The following NAALADL2 variants were observed in gnomAD, a reference collection of about 807,000 sequenced individuals.
NAALADL2 encodes the protein N-acetylated alpha-linked acidic dipeptidase like 2, also known as inactive N-acetylated-alpha-linked acidic dipeptidase-like protein 2.
NAALADL2 carries 76 observed loss-of-function variants against 87.2 expected under a neutral mutation model. The observed-to-expected ratio is 0.87, with a 90% CI of 0.72 to 1.05. The LOEUF (loss-of-function observed/expected upper bound fraction) is 1.05. Ranked by LOEUF, NAALADL2 falls within the 50% of genes least tolerant of loss-of-function variation. NAALADL2 has a pLI of 0.00. For missense variants in NAALADL2, 1,089 were observed against 945.8 expected (o/e 1.15, Z -1.99); for synonymous variants, 354 against 331.0 (o/e 1.07, Z -0.75).
chr3:175,687,044 G>A (rs1736393426), intron 11 of NAALADL2, among the ~76,000 whole-genome samples: 1 of 152,130 alleles, frequency 6.6e-6, no homozygotes, highest in African/African-American at 2.4e-5. Flanking sequence ...GGCAGAGCCA[G>A]AATTTCTATC....
chr3:174,503,108 T>A (rs988468213), intron 1 of NAALADL2, among the ~76,000 whole-genome samples: 1 of 152,170 alleles, frequency 6.6e-6, no homozygotes, highest in African/African-American at 2.4e-5. Flanking sequence ...GTATTCAATT[T>A]GGAAACAAGG....
Position 175,576,048 on chromosome 3 carries a change from A to G in NAALADL2, c.1661A>G (p.Asn554Ser), listed in dbSNP as rs911062165. ...SLQQLVVEKNNFNCTRRAQCP... is the reference protein window; with the variant it reads ...SLQQLVVEKNSFNCTRRAQCP... The stretch of plus-strand genomic sequence containing the variant: ...TTAAATTATGTTTTTCAGAAAAATA[A>G]TTTCAACTGTACCAGAAGAGCCCAG... Residue 554 changes from asparagine to serine, a missense_variant, in exon 10 of 14, where the codon AAT becomes AGT. Coordinates refer to ENST00000454872, the MANE Select transcript of NAALADL2 (RefSeq NM_207015.3). The G allele has an allele frequency of 6.2e-7, 1 of 1,608,420 alleles. No individual in the cohort carries two copies. The highest frequency in any genetic ancestry group is 1.3e-5 in the African/African-American group (1 of 74,536).
chr3:175,517,287 T>C (rs953616770), intron 9 of NAALADL2, among the ~76,000 whole-genome samples: 4 of 152,200 alleles, frequency 2.6e-5, no homozygotes, highest in African/African-American at 7.2e-5. Flanking sequence ...GAGGTCCAAC[T>C]ATGATTTTAA....
intron 10 of NAALADL2, among the ~76,000 whole-genome samples, chr3:175,613,041 T>A (rs76650260): frequency 0.012 from 1,878 of 151,398 alleles, 45 homozygotes; most frequent in East Asian, 0.058. Context: ...GCTCTGAGAC[T>A]TTGGCGTGTC....
intron 2 of NAALADL2, among the ~76,000 whole-genome samples, chr3:175,137,821 G>A (rs771345134): frequency 1.3e-5 from 2 of 151,398 alleles, no homozygotes; most frequent in Middle Eastern, 3.2e-3. Context: ...ATGGGGTTTC[G>A]CTAGGTTACC....
In NAALADL2 at chr3:175,543,439, CATACTGCT is replaced by C. The variant is rs1237723677; in HGVS notation, c.1654-32599_1654-32592del. On this transcript the variant is annotated intron_variant, in intron 9 of 13. Coordinates refer to ENST00000454872, the MANE Select transcript of NAALADL2 (RefSeq NM_207015.3). ...TGTACCAGGTGTATTAGTCCATTTT[CATACTGCT>C]ATGAAGAAATACCCAAGACTGGATA... Among the ~76,000 whole-genome samples the C allele has an allele frequency of 2.0e-5, 3 of 152,044 alleles. No homozygotes were observed. The East Asian group carries it at 5.8e-4, about 29-fold the overall frequency.
chr3:174,608,843 A>G (rs1719433831), intron 2 of NAALADL2, among the ~76,000 whole-genome samples: 1 of 151,650 alleles, frequency 6.6e-6, no homozygotes, highest in Non-Finnish European at 1.5e-5. Context: ...TACCAAAGCC[A>G]GGCAGAGACA....
chr3:175,239,237 A>G (rs1354958577), intron 3 of NAALADL2, among the ~76,000 whole-genome samples: 2 of 152,220 alleles, frequency 1.3e-5, no homozygotes, highest in Non-Finnish European at 2.9e-5. Context: ...CAAAATACAT[A>G]TTAAAATGGA....
intron 2 of NAALADL2, among the ~76,000 whole-genome samples, chr3:174,733,462 TG>T (rs1560180464): frequency 6.6e-6 from 1 of 152,260 alleles, no homozygotes; most frequent in Non-Finnish European, 1.5e-5. Context: ...ATCACATGCA[TG>T]GATGCAGATG....
intron 2 of NAALADL2, among the ~76,000 whole-genome samples, chr3:175,104,749 T>G (rs1263059786): frequency 3.9e-5 from 6 of 152,176 alleles, no homozygotes; most frequent in Non-Finnish European, 8.8e-5. Context: ...AATAGAGTGA[T>G]GGCTCCTAAA....
chr3:174,581,743 ATGACTAGTTCTGGCCAG>A (rs1462021642), intron 2 of NAALADL2, among the ~76,000 whole-genome samples: 2 of 152,266 alleles, frequency 1.3e-5, no homozygotes, highest in South Asian at 2.1e-4. Flanking sequence ...AGGTAGTCAC[ATGACTAGTTCTGGCCAG>A]TGAGTCGTGC....
chr3:174,844,992 G>T (rs1189098323), intron 3 of NAALADL2, among the ~76,000 whole-genome samples: 7 of 151,906 alleles, frequency 4.6e-5, no homozygotes, highest in Admixed American at 2.0e-4. Context: ...AGGGGGAGTG[G>T]GGCTGCCTCC....
At chr3:175,729,090 GCTTT>G (rs1239808804) in intron 11 of NAALADL2, among the ~76,000 whole-genome samples, 1 of 151,918 alleles carries the variant, frequency 6.6e-6, no homozygotes, top group East Asian at 1.9e-4. Flanking sequence ...AGAAAATGGT[GCTTT>G]CTAAGAAATA....
At chr3:175,305,032 A>C (rs1003118682) in intron 4 of NAALADL2, among the ~76,000 whole-genome samples, 3 of 152,066 alleles carry the variant, frequency 2.0e-5, no homozygotes, top group African/African-American at 7.2e-5. Flanking sequence ...TTTTCATTGC[A>C]TTCTAGATGC....
intron 1 of NAALADL2, among the ~76,000 whole-genome samples, chr3:174,993,214 A>G (rs565860638): frequency 2.0e-5 from 3 of 152,148 alleles, no homozygotes; most frequent in Non-Finnish European, 4.4e-5. Context: ...TAGAAAAGAA[A>G]CAATAAGTAA....
At chr3:174,993,305 A>ACATT in intron 1 of NAALADL2, among the ~76,000 whole-genome samples, 1 of 152,158 alleles carries the variant, frequency 6.6e-6, no homozygotes, top group African/African-American at 2.4e-5. Context: ...TAGAAAGATA[A>ACATT]CATTCATTCA....
At chr3:175,344,372 C>T (rs1762916045) in intron 5 of NAALADL2, among the ~76,000 whole-genome samples, 2 of 151,498 alleles carry the variant, frequency 1.3e-5, no homozygotes, top group African/African-American at 4.9e-5. Flanking sequence ...AGTAGACTAC[C>T]ACTACCACTA....
chr3:175,359,405 C>A lies in NAALADL2; in HGVS notation c.1090+35080C>A, dbSNP rs191606179. Among the ~76,000 whole-genome samples the A allele has an allele frequency of 3.8e-3, 573 of 152,082 alleles. 7 individuals carry two copies. Among genetic ancestry groups the A allele is most frequent in the African/African-American group, 0.013 (525 of 41,506 alleles). On this transcript the variant is annotated intron_variant, in intron 5 of 13. Transcript: ENST00000454872. ...TTAATTAGAACAACAATGGCAATAA[C>A]AACAACAAGCCACTCCTTTGTGTTA...
At chr3:175,656,593 T>C (rs963792558) in intron 11 of NAALADL2, among the ~76,000 whole-genome samples, 2 of 144,482 alleles carry the variant, frequency 1.4e-5, no homozygotes, top group Non-Finnish European at 2.9e-5. Flanking sequence ...TTAGAAAGTA[T>C]TTTTTTTAAA....
Sources: gnomAD v4.1 joint callset for allele counts (sites outside exome capture counted in the v4.1 genomes callset) on GRCh38, gnomAD v4.1.1 for gene constraint, MANE v1.5 for transcripts, NCBI Gene and HGNC (gene_info 2026-07-23, HGNC 2026-07-21) for gene names.